The following CACNB4 variants were observed in gnomAD, a reference collection of about 807,000 sequenced individuals.
CACNB4 encodes the protein voltage-dependent L-type calcium channel subunit beta-4.
A neutral mutation model predicts 71.2 loss-of-function variants in CACNB4; 32 were observed. The observed-to-expected ratio is 0.45, with a 90% CI of 0.34 to 0.60. The LOEUF (loss-of-function observed/expected upper bound fraction) is 0.60, where lower values mean the gene tolerates loss of function less well. Among genes scored for constraint, CACNB4 ranks in the 20% least tolerant of loss-of-function variants. The probability of loss-of-function intolerance (pLI) is 0.01; values close to 1 mark genes in which losing one functional copy is unlikely to be tolerated. For missense variants in CACNB4, 464 were observed against 647.9 expected (o/e 0.72, Z 3.08); for synonymous variants, 231 against 236.9 (o/e 0.97, Z 0.23).
At chr2:151,916,068 C>T (rs1189425352) in intron 2 of CACNB4, among the ~76,000 whole-genome samples, 1 of 129,640 alleles carries the variant, frequency 7.7e-6, no homozygotes, top group African/African-American at 2.5e-5. Context: ...CCGTGGGTCA[C>T]GCCAGCCCTC....
intron 2 of CACNB4, among the ~76,000 whole-genome samples, chr2:151,886,064 C>T (rs778320599): frequency 2.0e-5 from 3 of 152,118 alleles, no homozygotes; most frequent in South Asian, 2.1e-4. Context: ...CTTCCTGCCT[C>T]GGCCTCCCAA....
intron 2 of CACNB4, among the ~76,000 whole-genome samples, chr2:152,011,316 G>T: frequency 6.6e-6 from 1 of 152,162 alleles, no homozygotes; most frequent in South Asian, 2.1e-4. Flanking sequence ...TCCTGACCAA[G>T]AAACACGGTG....
chr2:152,098,942 G>A lies in CACNB4; in HGVS notation c.63+7C>T. On this transcript the variant is annotated splice_region_variant and intron_variant, in intron 1 of 13. Coordinates refer to ENST00000539935, the MANE Select transcript of CACNB4 (RefSeq NM_000726.5). This position sits in a 1 kb window ranked among gnomAD's most constrained non-coding sequence, Gnocchi z 5.3. ...GGAAGAGGAGAAGGGGGAGGAGGGG[G>A]CGGTACCTGCGAGGTGGGGGAGTGC... The A allele has an allele frequency of 7.0e-7, 1 of 1,436,416 alleles. No individual in the cohort carries two copies. The highest frequency in any genetic ancestry group is 9.3e-7 in the Non-Finnish European group (1 of 1,071,696). The allele number at this position is 1,436,416 out of a possible 1,614,324, so 89.0% of individuals were successfully genotyped here.
rs187339001 is a variant in CACNB4 at position 151,842,171 on chromosome 2, A to G, written c.1117-83T>C. The stretch of plus-strand genomic sequence containing the variant: ...TAAAATTCCACTTAACACAGATAAT[A>G]GCATTTTTAATAGCTATTAGCTAAA... On this transcript the variant is annotated intron_variant, in intron 12 of 13. Transcript: ENST00000539935. The G allele has an allele frequency of 1.1e-5, 13 of 1,153,092 alleles. No individual in the cohort carries two copies. The Admixed American group carries it at 2.3e-4, about 21-fold the overall frequency. 71.4% of individuals were successfully genotyped at this position (1,153,092 alleles called of 1,614,324 possible). A position where few individuals can be genotyped will look rare whatever the true frequency, so the allele number is the denominator to read the frequency against.
At chr2:151,898,837 A>G (rs1420715691) in intron 2 of CACNB4, among the ~76,000 whole-genome samples, 1 of 152,220 alleles carries the variant, frequency 6.6e-6, no homozygotes, top group Non-Finnish European at 1.5e-5. Flanking sequence ...ATAGACCTAT[A>G]CTGTCTATGG....
At chr2:152,023,528 G>A (rs1013631787) in intron 2 of CACNB4, among the ~76,000 whole-genome samples, 6 of 151,962 alleles carry the variant, frequency 3.9e-5, no homozygotes, top group African/African-American at 1.5e-4. Flanking sequence ...TCTGCCTCCC[G>A]GGTTCAAGCA....
At chr2:151,954,245 C>A (rs1349773399) in intron 2 of CACNB4, among the ~76,000 whole-genome samples, 1 of 152,190 alleles carries the variant, frequency 6.6e-6, no homozygotes, top group Non-Finnish European at 1.5e-5. Context: ...CCAAAGGAGA[C>A]CGTCCTATTC....
At chr2:151,997,194 C>A (rs1181193418) in intron 2 of CACNB4, among the ~76,000 whole-genome samples, 1 of 152,164 alleles carries the variant, frequency 6.6e-6, no homozygotes, top group Non-Finnish European at 1.5e-5. Flanking sequence ...TGAGATCATC[C>A]TGGATTACTT....
chr2:151,864,262 G>A (rs188458915), intron 9 of CACNB4, among the ~76,000 whole-genome samples: 19 of 152,306 alleles, frequency 1.2e-4, no homozygotes, highest in African/African-American at 4.1e-4. Flanking sequence ...CAGACTGGAT[G>A]TAGCAGCGAA....
chr2:152,046,705 C>T (rs967679029), intron 2 of CACNB4, among the ~76,000 whole-genome samples: 1 of 152,174 alleles, frequency 6.6e-6, no homozygotes, highest in African/African-American at 2.4e-5. Context: ...GCCTGTTGAG[C>T]TGTAGCCAGG....
At position 151,921,273 on chromosome 2, in the gene CACNB4, C is replaced by T. The variant is rs1578805343; in HGVS notation, c.148-37903G>A. Among the ~76,000 whole-genome samples, 3 of 151,708 alleles carry T rather than the reference C, an allele frequency of 2.0e-5. No homozygotes were observed. The East Asian group carries it at 5.8e-4, about 29-fold the overall frequency. On this transcript the variant is annotated intron_variant, in intron 2 of 13. Transcript: ENST00000539935. ...TGAAAACAAGGCATAGTTTCATCAT[C>T]TAAAAAATGATGACAGCTGCAAATG...
At chr2:152,042,058 TA>T (rs1219616190) in intron 2 of CACNB4, among the ~76,000 whole-genome samples, 3 of 152,200 alleles carry the variant, frequency 2.0e-5, no homozygotes, top group Non-Finnish European at 4.4e-5. Context: ...AACCTCACCC[TA>T]AATGCAGAGC....
At chr2:151,846,767 C>A (rs1350465659) in intron 12 of CACNB4, among the ~76,000 whole-genome samples, 1 of 151,988 alleles carries the variant, frequency 6.6e-6, no homozygotes, top group Non-Finnish European at 1.5e-5. Flanking sequence ...GTTGCCCAGG[C>A]TCATATTGAA....
At chr2:152,092,516 G>A (rs1489790575) in intron 2 of CACNB4, among the ~76,000 whole-genome samples, 1 of 152,002 alleles carries the variant, frequency 6.6e-6, no homozygotes. Context: ...GAGGTTCCTT[G>A]TTCCAAGGTA....
chr2:152,045,769 T>C (rs1159209615), intron 2 of CACNB4, among the ~76,000 whole-genome samples: 1 of 152,072 alleles, frequency 6.6e-6, no homozygotes, highest in Non-Finnish European at 1.5e-5. Context: ...GACGGTACCT[T>C]AGGCATAGCT....
chr2:151,920,470 G>A (rs933282401), intron 2 of CACNB4, among the ~76,000 whole-genome samples: 11 of 151,714 alleles, frequency 7.3e-5, no homozygotes, highest in Non-Finnish European at 1.0e-4. Flanking sequence ...CTACAGGCAC[G>A]TGCCACCACA....
chr2:152,024,308 C>T (rs978926167), intron 2 of CACNB4, among the ~76,000 whole-genome samples: 1 of 152,168 alleles, frequency 6.6e-6, no homozygotes, highest in East Asian at 1.9e-4. Context: ...GCCTGGGCAA[C>T]AGAGCTGTCT....
chr2:152,033,013 T>A (rs1684373184), intron 2 of CACNB4, among the ~76,000 whole-genome samples: 1 of 152,070 alleles, frequency 6.6e-6, no homozygotes, highest in South Asian at 2.1e-4. Flanking sequence ...TGTAGACAGG[T>A]TCCCCTGCAG....
intron 2 of CACNB4, among the ~76,000 whole-genome samples, chr2:152,009,976 A>G (rs1682964392): frequency 6.6e-6 from 1 of 152,214 alleles, no homozygotes; most frequent in African/African-American, 2.4e-5. Context: ...CTTTCTTGAG[A>G]TTAACATTTA....
Sources: allele counts gnomAD v4.1 joint callset (sites outside exome capture counted in the v4.1 genomes callset), GRCh38; gene constraint gnomAD v4.1.1; non-coding constraint Gnocchi (gnomAD v3.1); transcripts MANE v1.5; gene names NCBI Gene and HGNC (gene_info 2026-07-23, HGNC 2026-07-21).